Variants in ST8SIA4 observed in about 807,000 individuals in gnomAD.
The protein encoded by ST8SIA4 is ST8 alpha-N-acetyl-neuraminide alpha-2,8-sialyltransferase 4, also known as CMP-N-acetylneuraminate-poly-alpha-2,8-sialyltransferase.
ST8SIA4 carries 15 observed loss-of-function variants against 33.9 expected under a neutral mutation model. The observed-to-expected ratio is 0.44, with a 90% CI of 0.30 to 0.68. The LOEUF (loss-of-function observed/expected upper bound fraction) is 0.68, where lower values mean the gene tolerates loss of function less well. Ranked by LOEUF, ST8SIA4 falls within the 30% of genes least tolerant of loss-of-function variation. The probability of loss-of-function intolerance (pLI) is 0.10; values close to 1 mark genes in which losing one functional copy is unlikely to be tolerated. For missense variants in ST8SIA4, 321 were observed against 428.0 expected, an observed-to-expected ratio of 0.75 and a Z score of 2.21; for synonymous variants, 171 against 151.2, an observed-to-expected ratio of 1.13 and a Z score of -0.96.
intron 2 of ST8SIA4, among the ~76,000 whole-genome samples, chr5:100,892,199 C>G (rs1206726647): frequency 6.6e-6 from 1 of 151,824 alleles, no homozygotes; most frequent in Non-Finnish European, 1.5e-5. Flanking sequence ...ATAAATAATC[C>G]AAATATGGAA....
chr5:100,861,036 A>G (rs1751929157), intron 3 of ST8SIA4, among the ~76,000 whole-genome samples: 2 of 152,196 alleles, frequency 1.3e-5, no homozygotes. Flanking sequence ...TAACTAATTG[A>G]TAAGACTTTT....
chr5:100,846,347 C>T (rs1262532423), intron 4 of ST8SIA4, among the ~76,000 whole-genome samples: 1 of 151,918 alleles, frequency 6.6e-6, no homozygotes, highest in Non-Finnish European at 1.5e-5. Context: ...ATTCCCCACC[C>T]CTTTGCACAT....
intron 3 of ST8SIA4, among the ~76,000 whole-genome samples, chr5:100,874,236 T>C (rs1029652686): frequency 3.3e-5 from 5 of 152,078 alleles, no homozygotes; most frequent in Admixed American, 2.6e-4. Context: ...GCATACATGG[T>C]GGGGGTACAC....
intron 3 of ST8SIA4, among the ~76,000 whole-genome samples, chr5:100,880,933 T>A (rs947349710): frequency 3.3e-5 from 5 of 152,216 alleles, no homozygotes; most frequent in African/African-American, 1.2e-4. Flanking sequence ...TAAGACATAG[T>A]TATCTGAGTT....
At chr5:100,883,651 C>A (rs1368005354) in intron 3 of ST8SIA4, among the ~76,000 whole-genome samples, 1 of 152,084 alleles carries the variant, frequency 6.6e-6, no homozygotes, top group East Asian at 1.9e-4. Flanking sequence ...GTGGGAGGGA[C>A]CAGTGGGAGA....
At position 100,860,975 on chromosome 5, in the gene ST8SIA4, C is replaced by T. The variant is rs574862628; in HGVS notation, c.504-4579G>A. Among the ~76,000 whole-genome samples the T allele has an allele frequency of 1.3e-4, 20 of 152,124 alleles. No homozygotes were observed. The South Asian group carries it at 3.3e-3, about 25-fold the overall frequency. On this transcript the variant is annotated intron_variant, in intron 3 of 4. Coordinates refer to ENST00000231461, the MANE Select transcript of ST8SIA4 (RefSeq NM_005668.6). ...TAAAACATAAATATAATATCTATAC[C>T]TCAGATCTCTTGATAGACAGGATTT...
At chr5:100,854,048 T>C (rs1751760140) in intron 4 of ST8SIA4, among the ~76,000 whole-genome samples, 3 of 151,790 alleles carry the variant, frequency 2.0e-5, no homozygotes, top group South Asian at 4.2e-4. Flanking sequence ...TAAGGTGTTT[T>C]TCAGAGTAAC....
chr5:100,887,486 A>C (rs1398395415), intron 2 of ST8SIA4, among the ~76,000 whole-genome samples: 1 of 152,042 alleles, frequency 6.6e-6, no homozygotes, highest in African/African-American at 2.4e-5. Context: ...TTGGCCACTA[A>C]ATTTTAAGGT....
In ST8SIA4 at chr5:100,847,859, T is replaced by C. The variant is rs73775449; in HGVS notation, c.797+8244A>G. On this transcript the variant is annotated intron_variant, in intron 4 of 4. Coordinates refer to ENST00000231461, the MANE Select transcript of ST8SIA4 (RefSeq NM_005668.6). ...CGGGCACAGGTAGTTTAGAAAGGTA[T>C]GCCAAAATAAAATATCAATGTTCTA... Among the ~76,000 whole-genome samples the C allele has an allele frequency of 9.7e-3, 1,473 of 152,204 alleles. 20 individuals carry two copies. The highest frequency in any genetic ancestry group is 0.034 in the African/African-American group (1,413 of 41,558).
intron 4 of ST8SIA4, among the ~76,000 whole-genome samples, chr5:100,817,109 A>ATTTTTTTTTTTTTTTTTTTTTT (rs57222657): frequency 4.0e-5 from 3 of 74,326 alleles, no homozygotes; most frequent in African/African-American, 1.2e-4. Flanking sequence ...CACCCAGCTA[A>ATTTTTTTTTTTTTTTTTTTTTT]TTTTTTTTTT....
intron 3 of ST8SIA4, among the ~76,000 whole-genome samples, chr5:100,859,691 T>C (rs1048968939): frequency 2.0e-5 from 3 of 152,098 alleles, no homozygotes; most frequent in African/African-American, 7.2e-5. Context: ...GAAGGTACTT[T>C]CATGTTAATT....
chr5:100,842,276 T>C (rs1011232003), intron 4 of ST8SIA4, among the ~76,000 whole-genome samples: 1 of 151,948 alleles, frequency 6.6e-6, no homozygotes. Flanking sequence ...ATGCATCTGT[T>C]CCAGAGAAAA....
At position 100,811,709 on chromosome 5, in the gene ST8SIA4, G is replaced by A. The variant is rs1237113622; in HGVS notation, c.*138C>T. 3 of 857,982 alleles carry A rather than the reference G, an allele frequency of 3.5e-6. No individual in the cohort carries two copies. The highest frequency in any genetic ancestry group is 5.9e-5 in the Admixed American group (2 of 33,656). 53.1% of individuals were successfully genotyped at this position (857,982 alleles called of 1,614,324 possible). A position where few individuals can be genotyped will look rare whatever the true frequency, so the allele number is the denominator to read the frequency against. Reference sequence around the variant, plus strand: ...GCAGGTATTTCATCAGCTGGTAGTCGATTTCTCATGAACGTCCTTTATTCA... The same window carrying A: ...GCAGGTATTTCATCAGCTGGTAGTCAATTTCTCATGAACGTCCTTTATTCA... On this transcript the variant is annotated 3_prime_UTR_variant, in exon 5 of 5. Coordinates refer to ENST00000231461, the MANE Select transcript of ST8SIA4 (RefSeq NM_005668.6).
chr5:100,866,989 T>A (rs928644627), intron 3 of ST8SIA4, among the ~76,000 whole-genome samples: 3 of 152,108 alleles, frequency 2.0e-5, no homozygotes, highest in African/African-American at 7.2e-5. Context: ...CACAGACCAT[T>A]AAGAATTAGC....
chr5:100,841,431 A>T (rs763239126), intron 4 of ST8SIA4, among the ~76,000 whole-genome samples: 1 of 151,850 alleles, frequency 6.6e-6, no homozygotes, highest in Non-Finnish European at 1.5e-5. Context: ...AACTAAATCA[A>T]ATGGAAACAC....
intron 3 of ST8SIA4, among the ~76,000 whole-genome samples, chr5:100,872,431 T>C (rs1443119148): frequency 1.3e-5 from 2 of 152,090 alleles, no homozygotes; most frequent in Admixed American, 6.6e-5. Flanking sequence ...ACACCAGAAT[T>C]TATCCTTTTT....
Position 100,838,001 on chromosome 5 carries a change from A to G in ST8SIA4, c.797+18102T>C, listed in dbSNP as rs145440201. Among the ~76,000 whole-genome samples the G allele has an allele frequency of 3.7e-3, 558 of 152,152 alleles. 2 individuals carry two copies. The highest frequency in any genetic ancestry group is 0.013 in the African/African-American group (533 of 41,528). On this transcript the variant is annotated intron_variant, in intron 4 of 4. Coordinates refer to ENST00000231461, the MANE Select transcript of ST8SIA4 (RefSeq NM_005668.6). ...TGAATCAATTACCATATATGTTTAT[A>G]CTTCATTCTACTCTCATAAGGCAGA...
At chr5:100,865,997 G>A (rs1752052978) in intron 3 of ST8SIA4, among the ~76,000 whole-genome samples, 1 of 152,174 alleles carries the variant, frequency 6.6e-6, no homozygotes, top group Non-Finnish European at 1.5e-5. Flanking sequence ...TGGAATGTCA[G>A]TCTGCTTTAG....
intron 4 of ST8SIA4, among the ~76,000 whole-genome samples, chr5:100,817,537 A>G (rs1022723508): frequency 2.0e-5 from 3 of 152,202 alleles, no homozygotes; most frequent in Admixed American, 6.5e-5. Context: ...TTGAAATAGA[A>G]TATCTGCTGT....
Sources: gnomAD v4.1 joint callset for allele counts (sites outside exome capture counted in the v4.1 genomes callset) on GRCh38, gnomAD v4.1.1 for gene constraint, MANE v1.5 for transcripts, NCBI Gene and HGNC (gene_info 2026-07-23, HGNC 2026-07-21) for gene names.